Variants in RBMS3 observed in about 807,000 individuals in gnomAD.
The protein encoded by RBMS3 is RNA-binding motif, single-stranded-interacting protein 3.
A neutral mutation model predicts 66.8 loss-of-function variants in RBMS3; 27 were observed. The observed-to-expected ratio is 0.40, with a 90% CI of 0.30 to 0.56. The LOEUF (loss-of-function observed/expected upper bound fraction) is 0.56, where lower values mean the gene tolerates loss of function less well. RBMS3 is among the 20% of genes least tolerant of loss of function. The probability of loss-of-function intolerance (pLI) is 0.40; values close to 1 mark genes in which losing one functional copy is unlikely to be tolerated. For synonymous variants in RBMS3, 188 were observed against 183.0 expected (o/e 1.03, Z -0.22); for missense variants, 513 against 549.5 (o/e 0.93, Z 0.66).
chr3:29,986,899 C>T (rs762103007), intron 12 of RBMS3, among the ~76,000 whole-genome samples: 16 of 152,100 alleles, frequency 1.1e-4, no homozygotes, highest in Non-Finnish European at 1.6e-4. Context: ...GCCAAGATCA[C>T]GCCCCTGCAC....
At chr3:29,774,255 C>T (rs1328736775) in intron 6 of RBMS3, among the ~76,000 whole-genome samples, 3 of 151,922 alleles carry the variant, frequency 2.0e-5, no homozygotes, top group African/African-American at 7.3e-5. Flanking sequence ...CTAAGTAAGG[C>T]AGCACTTGTT....
intron 4 of RBMS3, among the ~76,000 whole-genome samples, chr3:29,696,110 T>G (rs1465953238): frequency 6.6e-6 from 1 of 152,198 alleles, no homozygotes; most frequent in East Asian, 1.9e-4. Context: ...TCCTGATCTC[T>G]GTAACAAAGA....
intron 1 of RBMS3, among the ~76,000 whole-genome samples, chr3:29,282,157 G>C (rs2031856755): frequency 1.3e-5 from 2 of 152,124 alleles, no homozygotes; most frequent in South Asian, 4.1e-4. Flanking sequence ...GGCTCTAAAA[G>C]GGTTTTTCCC....
chr3:29,558,574 T>C (rs1260983396), intron 3 of RBMS3, among the ~76,000 whole-genome samples: 5 of 152,224 alleles, frequency 3.3e-5, no homozygotes, highest in Non-Finnish European at 5.9e-5. Flanking sequence ...TTTAGAGTAG[T>C]GTTCATTCAT....
intron 4 of RBMS3, among the ~76,000 whole-genome samples, chr3:29,684,825 C>T (rs904521385): frequency 1.0e-4 from 15 of 150,476 alleles, no homozygotes; most frequent in Non-Finnish European, 1.5e-5. Context: ...CAGACACATA[C>T]ACTGAGCTAA....
At chr3:29,797,854 G>A (rs2057251839) in intron 6 of RBMS3, 1 of 152,120 alleles carries the variant, frequency 6.6e-6, no homozygotes, top group Admixed American at 6.5e-5. Flanking sequence ...ATAATCTAAT[G>A]AGTTGAAATC....
chr3:29,472,567 T>C (rs2042772333), intron 2 of RBMS3, among the ~76,000 whole-genome samples: 1 of 151,982 alleles, frequency 6.6e-6, no homozygotes, highest in Non-Finnish European at 1.5e-5. Flanking sequence ...TACCTTCTGA[T>C]GTTCGGATGT....
chr3:29,467,523 A>G (rs1310676421), intron 2 of RBMS3, among the ~76,000 whole-genome samples: 1 of 152,240 alleles, frequency 6.6e-6, no homozygotes, highest in East Asian at 1.9e-4. Flanking sequence ...TATGTTTGGG[A>G]TGGTGCTTTA....
At chr3:29,868,775 T>C in intron 6 of RBMS3, 83 bp from the exon 7 acceptor site, 1 of 1,179,190 alleles carries the variant, frequency 8.5e-7, no homozygotes, top group Non-Finnish European at 1.2e-6. Context: ...AGATACTCAT[T>C]ACAAAGCACT....
intron 4 of RBMS3, among the ~76,000 whole-genome samples, chr3:29,603,462 T>C (rs1199418155): frequency 1.3e-5 from 2 of 152,046 alleles, no homozygotes; most frequent in African/African-American, 4.8e-5. Context: ...AGAGGCATTT[T>C]GCCCACCATA....
At chr3:29,543,290 G>T (rs901440555) in intron 3 of RBMS3, among the ~76,000 whole-genome samples, 1 of 150,994 alleles carries the variant, frequency 6.6e-6, no homozygotes, top group African/African-American at 2.4e-5. Flanking sequence ...AAAAAAAAAA[G>T]GCCAATAAAA....
At chr3:29,573,267 C>A in intron 3 of RBMS3, among the ~76,000 whole-genome samples, 1 of 152,068 alleles carries the variant, frequency 6.6e-6, no homozygotes, top group East Asian at 1.9e-4. Context: ...ATTACAGGTG[C>A]TTGCCACCCT....
At chr3:29,990,277 A>G (rs1366127931) in intron 13 of RBMS3, among the ~76,000 whole-genome samples, 1 of 152,106 alleles carries the variant, frequency 6.6e-6, no homozygotes, top group Non-Finnish European at 1.5e-5. Context: ...AGAACTTCTG[A>G]AATTTGACAT....
At chr3:29,313,354 C>T (rs2034491781) in intron 1 of RBMS3, among the ~76,000 whole-genome samples, 1 of 151,702 alleles carries the variant, frequency 6.6e-6, no homozygotes, top group South Asian at 2.1e-4. Context: ...AAACTCACTG[C>T]CTCGAGTAGA....
At chr3:29,898,731 A>ATGTGTGTG (rs1265286069) in intron 9 of RBMS3, among the ~76,000 whole-genome samples, 5 of 112,304 alleles carry the variant, frequency 4.5e-5, no homozygotes, top group African/African-American at 1.7e-4. Flanking sequence ...CCTGGTTGTA[A>ATGTGTGTG]TGTGCGTGTG....
intron 3 of RBMS3, among the ~76,000 whole-genome samples, chr3:29,515,980 T>C (rs912894853): frequency 3.3e-5 from 5 of 152,180 alleles, no homozygotes; most frequent in Non-Finnish European, 7.4e-5. Context: ...GAGAATTCCG[T>C]CAAAATTGAT....
At chr3:29,390,295 A>G (rs1462353610) in intron 1 of RBMS3, among the ~76,000 whole-genome samples, 1 of 152,208 alleles carries the variant, frequency 6.6e-6, no homozygotes, top group Non-Finnish European at 1.5e-5. Context: ...GTTCTAAAAT[A>G]AATAGATTTG....
At chr3:29,491,188 G>T (rs2043529615) in intron 3 of RBMS3, among the ~76,000 whole-genome samples, 1 of 152,092 alleles carries the variant, frequency 6.6e-6, no homozygotes, top group Admixed American at 6.6e-5. Flanking sequence ...TGGGAGCGTG[G>T]GTGCTTATCA....
chr3:29,688,803 G>A (rs536802187), intron 4 of RBMS3, among the ~76,000 whole-genome samples: 18 of 151,816 alleles, frequency 1.2e-4, no homozygotes, highest in South Asian at 4.2e-4. Flanking sequence ...GGCTGGTCTC[G>A]AACTCCTGAC....
Sources: gnomAD v4.1 joint callset for allele counts (sites outside exome capture counted in the v4.1 genomes callset) on GRCh38, gnomAD v4.1.1 for gene constraint, MANE v1.5 for transcripts, NCBI Gene and HGNC (gene_info 2026-07-23, HGNC 2026-07-21) for gene names.